The following MLIP variants were observed in gnomAD, a reference collection of about 807,000 sequenced individuals.
The protein encoded by MLIP is muscular LMNA interacting protein.
Under a neutral mutation model 84.8 loss-of-function variants are expected in MLIP, and 79 were observed. The ratio of observed to expected loss-of-function variants is 0.93; its 90% CI spans 0.78 to 1.12. MLIP has a LOEUF of 1.12. Among genes scored for constraint, MLIP ranks in the 50% most tolerant of loss-of-function variants. The pLI is 0.00. For synonymous variants in MLIP, 504 were observed against 463.0 expected, an observed-to-expected ratio of 1.09 and a Z score of -1.14; for missense variants, 1,257 against 1,160.6, an observed-to-expected ratio of 1.08 and a Z score of -1.21.
intron 1 of MLIP, among the ~76,000 whole-genome samples, chr6:54,085,364 T>G (rs986620737): frequency 2.6e-5 from 4 of 152,206 alleles, no homozygotes; most frequent in African/African-American, 9.7e-5. Flanking sequence ...TAGTGAACCA[T>G]TTTTAAGCAT....
intron 12 of MLIP, among the ~76,000 whole-genome samples, chr6:54,235,497 C>T (rs1360981792): frequency 1.1e-4 from 16 of 152,090 alleles, no homozygotes. Context: ...TATTATAGGT[C>T]ATCTTGTATT....
chr6:54,207,814 G>C (rs908644150), intron 11 of MLIP, among the ~76,000 whole-genome samples: 9 of 152,206 alleles, frequency 5.9e-5, no homozygotes, highest in Non-Finnish European at 1.2e-4. Flanking sequence ...ATTGGCCACT[G>C]CCATATTTAG....
At chr6:54,176,526 T>C (rs2150618228) in intron 9 of MLIP, among the ~76,000 whole-genome samples, 1 of 152,064 alleles carries the variant, frequency 6.6e-6, no homozygotes, top group South Asian at 2.1e-4. Context: ...TATTGGCATA[T>C]AGTTGCTCAT....
At chr6:54,117,658 A>C (rs543168208) in intron 1 of MLIP, among the ~76,000 whole-genome samples, 3 of 151,262 alleles carry the variant, frequency 2.0e-5, no homozygotes, top group African/African-American at 7.3e-5. Flanking sequence ...TATATAAAAA[A>C]TTTTAGGGCC....
chr6:54,135,864 T>G (rs1330610275), intron 3 of MLIP, among the ~76,000 whole-genome samples: 1 of 152,188 alleles, frequency 6.6e-6, no homozygotes, highest in Non-Finnish European at 1.5e-5. Flanking sequence ...TCACAGGCTC[T>G]CCCTAGCTTC....
At chr6:54,156,180 G>T (rs1485621270) in intron 5 of MLIP, among the ~76,000 whole-genome samples, 1 of 152,006 alleles carries the variant, frequency 6.6e-6, no homozygotes. Flanking sequence ...GTTGCTAGAA[G>T]TGGTGTATAT....
At chr6:54,202,288 A>T (rs1350981087) in intron 11 of MLIP, 55 bp downstream of exon 11, 2 of 727,606 alleles carry the variant, frequency 2.7e-6, no homozygotes, top group Admixed American at 8.8e-5. Context: ...AATATATATA[A>T]AATATATATA....
rs1239250023 is a variant in MLIP, at chr6:54,137,154, C to G, written c.1085C>G (p.Ser362Trp). Residue 362 changes from serine to tryptophan, a missense_variant, in exon 4 of 14, where the codon TCG becomes TGG. Coordinates refer to ENST00000502396, the MANE Select transcript of MLIP (RefSeq NM_001281747.2). ...SSASLKSNSA[S>W]YIPVRIVTHS... ...GCTTCTCTGAAGTCGAATTCGGCCT[C>G]GTACATACCAGTCCGCATTGTCACG... The G allele has an allele frequency of 1.2e-5, 18 of 1,536,122 alleles. No individual in the cohort carries two copies. The highest frequency in any genetic ancestry group is 1.6e-5 in the Non-Finnish European group (18 of 1,146,898).
chr6:54,137,038 C>T lies in MLIP; in HGVS notation c.969C>T (p.Thr323=), dbSNP rs1355466592. ...CAGCAGATCCAAAGCCTGGACTGAC[C>T]TCTGAAGTTCTCAAGAAGACAACTT... ...STAADPKPGL[T]SEVLKKTTLT... is the part of the protein sequence containing the mutation. The change falls in exon 4 of 14, where the codon ACC becomes ACT. Residue 323 remains threonine (T), a synonymous_variant. Coordinates refer to ENST00000502396, the MANE Select transcript of MLIP (RefSeq NM_001281747.2). The T allele has an allele frequency of 1.3e-6, 2 of 1,536,114 alleles. No individual in the cohort carries two copies. The highest frequency in any genetic ancestry group is 3.3e-4 in the Middle Eastern group (2 of 5,990).
chr6:54,202,109 A>C lies in MLIP; in HGVS notation c.2594A>C (p.Lys865Thr). ...ATTTATTTTACATTCATGAAGACTA[A>C]GCCTGGAGTAATTCGCCCAGTACCT... ...SSTVSESQLT[K>T]PGVIRPVPVK... is the part of the protein sequence containing the mutation. Residue 865 changes from lysine to threonine, a missense_variant, in exon 11 of 14, where the codon AAG becomes ACG. Lys to Thr is a moderately conservative substitution (Grantham distance 78, BLOSUM62 -1). Coordinates refer to ENST00000502396, the MANE Select transcript of MLIP (RefSeq NM_001281747.2). 1 of 1,577,976 alleles carries C rather than the reference A, an allele frequency of 6.3e-7. No homozygotes were observed. The highest frequency in any genetic ancestry group is 8.6e-7 in the Non-Finnish European group (1 of 1,161,542).
chr6:54,266,033 T>C lies in MLIP; in HGVS notation c.*78T>C. 1.0e-6 allele frequency: 1 copy of C among 986,426 alleles called. No individual in the cohort carries two copies. Among genetic ancestry groups the C allele is most frequent in the Non-Finnish European group, 1.3e-6 (1 of 742,106 alleles). The allele number at this position is 986,426 out of a possible 1,614,324, so 61.1% of individuals were successfully genotyped here. A position where few individuals can be genotyped will look rare whatever the true frequency, so the allele number is the denominator to read the frequency against. ...TGCTAACCACTTGCTAGATTTAACT[T>C]TTTTTTTTTTTTCCAGAATGAGTGC... On this transcript the variant is annotated 3_prime_UTR_variant, in exon 14 of 14. Transcript: ENST00000502396.
intron 11 of MLIP, chr6:54,217,089 A>G (rs1779905486): frequency 1.0e-6 from 1 of 985,460 alleles, no homozygotes; most frequent in South Asian, 4.7e-5. Flanking sequence ...GCTTTACCAA[A>G]GAGGTGGGAA....
At chr6:54,105,287 C>T (rs947959154) in intron 1 of MLIP, among the ~76,000 whole-genome samples, 7 of 152,106 alleles carry the variant, frequency 4.6e-5, no homozygotes, top group Admixed American at 1.3e-4. Context: ...AGCCCGTATA[C>T]GTTTGACTCT....
intron 6 of MLIP, 31 bp from the exon 7 acceptor site, chr6:54,160,485 C>T (rs1158451043): frequency 6.2e-7 from 1 of 1,611,136 alleles, no homozygotes; most frequent in East Asian, 2.2e-5. Context: ...AAACTTATTG[C>T]TAACCCAGTA....
At chr6:54,218,274 T>C (rs1036177012) in intron 11 of MLIP, among the ~76,000 whole-genome samples, 4 of 152,192 alleles carry the variant, frequency 2.6e-5, no homozygotes, top group African/African-American at 9.7e-5. Flanking sequence ...AGCATATTAC[T>C]GTACTGAATA....
chr6:54,108,138 A>G (rs1460904140), upstream of MLIP, among the ~76,000 whole-genome samples: 1 of 152,206 alleles, frequency 6.6e-6, no homozygotes, highest in Non-Finnish European at 1.5e-5. Flanking sequence ...CAGATTTTAA[A>G]GAGAATTTTG....
chr6:54,198,422 A>G (rs1213610732), intron 10 of MLIP, among the ~76,000 whole-genome samples: 1 of 152,182 alleles, frequency 6.6e-6, no homozygotes, highest in African/African-American at 2.4e-5. Context: ...TAATATTCCA[A>G]GAGAGACTTA....
chr6:54,182,187 A>G (rs560835328), intron 9 of MLIP, among the ~76,000 whole-genome samples: 8 of 152,304 alleles, frequency 5.3e-5, no homozygotes, highest in East Asian at 1.9e-4. Context: ...GTCAACTTCC[A>G]GCTGCTGGGA....
rs767192699 is a variant in MLIP, at chr6:54,137,359, C to A, written c.1290C>A (p.Pro430=). ...AGTCAAACCCTTCCCACCAAAGACC[C>A]TTTTCCCCTGCATCCTGTCCCACCT... is the stretch of plus-strand genomic sequence containing the variant. The part of the protein sequence containing the change: ...ILKSNPSHQR[P]FSPASCPTFS... Residue 430 remains proline, a synonymous_variant, in exon 4 of 14, where the codon CCC becomes CCA. Transcript: ENST00000502396. 6.5e-7 allele frequency: 1 copy of A among 1,536,104 alleles called. No individual in the cohort carries two copies. The highest frequency in any genetic ancestry group is 1.2e-5 in the South Asian group (1 of 84,044).
Sources: gnomAD v4.1 joint callset for allele counts (sites outside exome capture counted in the v4.1 genomes callset) on GRCh38, gnomAD v4.1.1 for gene constraint, MANE v1.5 for transcripts, NCBI Gene and HGNC (gene_info 2026-07-23, HGNC 2026-07-21) for gene names.